The following SYNPR variants were observed in gnomAD, a reference collection of about 807,000 sequenced individuals.
SYNPR encodes synaptoporin.
SYNPR carries 23 observed loss-of-function variants against 32.9 expected under a neutral mutation model. That is an observed-to-expected ratio of 0.70 (90% CI 0.50 to 0.99). SYNPR has a LOEUF of 0.99. Ranked by LOEUF, SYNPR falls within the 50% of genes least tolerant of loss-of-function variation. The pLI is 0.00. For synonymous variants in SYNPR, 146 were observed against 135.9 expected, an observed-to-expected ratio of 1.07 and a Z score of -0.52; for missense variants, 318 against 349.3, an observed-to-expected ratio of 0.91 and a Z score of 0.71.
intron 2 of SYNPR, among the ~76,000 whole-genome samples, chr3:63,410,582 T>C (rs2088449790): frequency 6.6e-6 from 1 of 152,152 alleles, no homozygotes; most frequent in South Asian, 2.1e-4. Flanking sequence ...TTTTCCCTCA[T>C]GTTTGTGTCT....
chr3:63,573,843 C>G (rs949924562), intron 4 of SYNPR, among the ~76,000 whole-genome samples: 4 of 152,118 alleles, frequency 2.6e-5, no homozygotes, highest in African/African-American at 4.8e-5. Flanking sequence ...AACTTGGGGA[C>G]AGGATGCCGC....
Position 63,595,757 on chromosome 3 carries a change from A to AGT in SYNPR, c.409-13368_409-13367insGT, listed in dbSNP as rs1184635748. Among the ~76,000 whole-genome samples the AGT allele has an allele frequency of 6.1e-4, 19 of 31,016 alleles. 3 individuals are homozygous for AGT. The highest frequency in any genetic ancestry group is 8.9e-4 in the African/African-American group (4 of 4,482). 20.3% of individuals were successfully genotyped at this position (31,016 alleles called of 152,430 possible). A position where few individuals can be genotyped will look rare whatever the true frequency, so the allele number is the denominator to read the frequency against. On this transcript the variant is annotated intron_variant, in intron 4 of 5. Transcript: ENST00000478300. Reference sequence around the variant, plus strand: ...TATATATATATATATATATATATATATATATATATATAATTTTATATATAT... The same window carrying AGT: ...TATATATATATATATATATATATATAGTTATATATATATAATTTTATATATAT...
intron 2 of SYNPR, among the ~76,000 whole-genome samples, chr3:63,263,207 G>A (rs1409581718): frequency 6.6e-6 from 1 of 152,172 alleles, no homozygotes; most frequent in Non-Finnish European, 1.5e-5. Context: ...ATTTATAAAT[G>A]TTTGTTCAAT....
At chr3:63,391,389 T>G (rs2088135598) in intron 2 of SYNPR, among the ~76,000 whole-genome samples, 1 of 152,222 alleles carries the variant, frequency 6.6e-6, no homozygotes, top group Admixed American at 6.5e-5. Context: ...GCATCAACTT[T>G]GTGCCTTTCC....
At chr3:63,578,326 A>C (rs776716068) in intron 4 of SYNPR, among the ~76,000 whole-genome samples, 2 of 152,170 alleles carry the variant, frequency 1.3e-5, no homozygotes, top group Non-Finnish European at 2.9e-5. Flanking sequence ...TTGGCAATTC[A>C]GCATGTGGCA....
intron 2 of SYNPR, among the ~76,000 whole-genome samples, chr3:63,409,354 G>C (rs1013887206): frequency 1.3e-5 from 2 of 152,076 alleles, no homozygotes; most frequent in Admixed American, 1.3e-4. Context: ...ATGCCTCTGA[G>C]TGATAGGAGG....
intron 2 of SYNPR, among the ~76,000 whole-genome samples, chr3:63,262,171 G>C (rs188783881): frequency 2.0e-5 from 3 of 152,160 alleles, no homozygotes; most frequent in Admixed American, 6.5e-5. Context: ...CAAAGCCTGA[G>C]GCAAAATTTA....
intron 3 of SYNPR, among the ~76,000 whole-genome samples, chr3:63,521,406 C>G (rs1257475881): frequency 6.6e-6 from 1 of 152,186 alleles, no homozygotes; most frequent in East Asian, 1.9e-4. Context: ...AATAATAGAG[C>G]TTGTTAACAT....
intron 2 of SYNPR, among the ~76,000 whole-genome samples, chr3:63,282,598 G>A (rs1016425824): frequency 1.3e-5 from 2 of 151,180 alleles, no homozygotes; most frequent in Admixed American, 6.6e-5. Flanking sequence ...TGGGAGGATC[G>A]CTTGAGCCCA....
intron 4 of SYNPR, among the ~76,000 whole-genome samples, chr3:63,568,570 T>G (rs2106843471): frequency 6.6e-6 from 1 of 152,310 alleles, no homozygotes; most frequent in South Asian, 2.1e-4. Context: ...AAGTCCCCTC[T>G]TGAATTTCTC....
chr3:63,250,041 G>C (rs1477424243), intron 1 of SYNPR, among the ~76,000 whole-genome samples: 1 of 152,058 alleles, frequency 6.6e-6, no homozygotes, highest in Non-Finnish European at 1.5e-5. Context: ...TAAGGAAGAG[G>C]GGAGAATAGG....
chr3:63,396,831 G>T (rs927749321), intron 2 of SYNPR, among the ~76,000 whole-genome samples: 6 of 152,172 alleles, frequency 3.9e-5, no homozygotes, highest in African/African-American at 1.4e-4. Context: ...TTGGCCGAGC[G>T]CGGTGGCTCA....
At chr3:63,320,267 A>C (rs1441870608) in intron 2 of SYNPR, among the ~76,000 whole-genome samples, 2 of 151,934 alleles carry the variant, frequency 1.3e-5, no homozygotes, top group African/African-American at 4.8e-5. Flanking sequence ...TATTTTCACT[A>C]TTTCCTGATT....
chr3:63,375,574 A>G (rs2087878721), intron 2 of SYNPR, among the ~76,000 whole-genome samples: 2 of 152,060 alleles, frequency 1.3e-5, no homozygotes, highest in Non-Finnish European at 2.9e-5. Context: ...CCTGTCATAG[A>G]GTAGGGGCTG....
chr3:63,455,864 C>CA (rs1470658023), intron 2 of SYNPR, among the ~76,000 whole-genome samples: 1 of 151,546 alleles, frequency 6.6e-6, no homozygotes, highest in African/African-American at 2.4e-5. Context: ...AGCAGACCTC[C>CA]AATATCAAGG....
At chr3:63,428,432 G>A (rs559062449) in intron 2 of SYNPR, among the ~76,000 whole-genome samples, 53 of 152,332 alleles carry the variant, frequency 3.5e-4, no homozygotes, top group Non-Finnish European at 4.1e-4. Flanking sequence ...TGAAACATAA[G>A]ATAGCTATTA....
chr3:63,560,674 C>T lies in SYNPR; in HGVS notation c.408+3933C>T, dbSNP rs182101029. On this transcript the variant is annotated intron_variant, in intron 4 of 5. Coordinates refer to ENST00000478300, the MANE Select transcript of SYNPR (RefSeq NM_001130003.2). ...GGCTGGGGAGGCCTCAGGAAATTTACGATCATGGTGGAAGGCACCTCTTCA... is the reference window on the plus strand; with the variant it reads ...GGCTGGGGAGGCCTCAGGAAATTTATGATCATGGTGGAAGGCACCTCTTCA... Among the ~76,000 whole-genome samples the T allele has an allele frequency of 2.2e-4, 34 of 152,174 alleles. No individual in the cohort carries two copies. The East Asian group carries it at 3.1e-3, about 14-fold the overall frequency.
chr3:63,509,246 C>T (rs1575682781), intron 3 of SYNPR, among the ~76,000 whole-genome samples: 1 of 140,362 alleles, frequency 7.1e-6, no homozygotes, highest in African/African-American at 3.0e-5. Context: ...TATACACACA[C>T]ATACACACAC....
At chr3:63,309,797 C>T (rs548070565) in intron 2 of SYNPR, among the ~76,000 whole-genome samples, 3 of 152,100 alleles carry the variant, frequency 2.0e-5, no homozygotes, top group African/African-American at 7.2e-5. Flanking sequence ...CTGCTTACTC[C>T]AGAGTTCTCT....
Sources: allele counts gnomAD v4.1 joint callset (sites outside exome capture counted in the v4.1 genomes callset), GRCh38; gene constraint gnomAD v4.1.1; transcripts MANE v1.5; gene names NCBI Gene and HGNC (gene_info 2026-07-23, HGNC 2026-07-21).